BABAM2: variants seen among roughly 807,000 people sequenced by gnomAD.
The protein encoded by BABAM2 is BRISC and BRCA1 A complex member 2, also known as BRISC and BRCA1-A complex member 2.
Under a neutral mutation model 54.7 loss-of-function variants are expected in BABAM2, and 31 were observed. The ratio of observed to expected loss-of-function variants is 0.57; its 90% CI spans 0.43 to 0.77. BABAM2 has a LOEUF of 0.77. BABAM2 is among the 30% of genes least tolerant of loss of function. The pLI, the probability that BABAM2 is intolerant of heterozygous loss-of-function variation, is 0.00. For missense variants in BABAM2, 364 were observed against 455.8 expected, an observed-to-expected ratio of 0.80 and a Z score of 1.83; for synonymous variants, 167 against 162.9, an observed-to-expected ratio of 1.03 and a Z score of -0.19.
At chr2:28,327,272 A>C in intron 11 of BABAM2, 1 of 1,599,900 alleles carries the variant, frequency 6.3e-7, no homozygotes, top group Non-Finnish European at 8.5e-7. Flanking sequence ...CTGCTGCACC[A>C]GGGGATGCCA....
intron 6 of BABAM2, among the ~76,000 whole-genome samples, chr2:28,097,048 A>C (rs958907232): frequency 2.0e-5 from 3 of 152,174 alleles, no homozygotes; most frequent in Admixed American, 2.0e-4. Context: ...TCTGTTAAGT[A>C]GGATGGTCAA....
At chr2:28,023,469 C>T (rs1364954507) in intron 4 of BABAM2, among the ~76,000 whole-genome samples, 1 of 152,226 alleles carries the variant, frequency 6.6e-6, no homozygotes, top group African/African-American at 2.4e-5. Context: ...TTATATCCTA[C>T]TGATACTTTG....
intron 7 of BABAM2, among the ~76,000 whole-genome samples, chr2:28,220,475 A>T (rs529246350): frequency 9.2e-5 from 14 of 152,306 alleles, no homozygotes; most frequent in African/African-American, 3.1e-4. Flanking sequence ...TTGGGAATTA[A>T]AAAAGCTCAA....
intron 6 of BABAM2, among the ~76,000 whole-genome samples, chr2:28,082,030 T>C (rs1665216322): frequency 6.6e-6 from 1 of 152,204 alleles, no homozygotes; most frequent in Admixed American, 6.5e-5. Context: ...TTGTTTTCTT[T>C]GGAGGTAAGG....
intron 8 of BABAM2, 68 bp from the exon 9 acceptor site, chr2:28,241,255 G>T: frequency 6.8e-7 from 1 of 1,461,618 alleles, no homozygotes; most frequent in Non-Finnish European, 9.6e-7. Context: ...CTGAATCTTT[G>T]AAATTTCTTA....
chr2:27,914,291 A>G (rs941855289), intron 2 of BABAM2, among the ~76,000 whole-genome samples: 5 of 152,008 alleles, frequency 3.3e-5, no homozygotes, highest in Admixed American at 3.3e-4. Flanking sequence ...TTGACCTGAA[A>G]CCCTTTGCCT....
intron 7 of BABAM2, among the ~76,000 whole-genome samples, chr2:28,210,650 A>C (rs1356311438): frequency 6.6e-6 from 1 of 152,224 alleles, no homozygotes; most frequent in East Asian, 1.9e-4. Flanking sequence ...AAGCATTATA[A>C]AATGCAGGAG....
chr2:28,119,291 C>A (rs1180194748), intron 6 of BABAM2, among the ~76,000 whole-genome samples: 2 of 152,212 alleles, frequency 1.3e-5, no homozygotes, highest in African/African-American at 4.8e-5. Context: ...ACTCCAGATT[C>A]TTTCTCTAAA....
At chr2:28,080,888 A>G (rs1430834123) in intron 6 of BABAM2, among the ~76,000 whole-genome samples, 1 of 152,170 alleles carries the variant, frequency 6.6e-6, no homozygotes, top group African/African-American at 2.4e-5. Flanking sequence ...TCCTATTCAA[A>G]CAGTGAAGTT....
intron 6 of BABAM2, among the ~76,000 whole-genome samples, chr2:28,099,602 T>C (rs1346931316): frequency 1.3e-5 from 2 of 152,226 alleles, no homozygotes; most frequent in Non-Finnish European, 2.9e-5. Flanking sequence ...GGGTTTTTAT[T>C]TAGTTATTAT....
intron 7 of BABAM2, among the ~76,000 whole-genome samples, chr2:28,130,937 C>T (rs966534479): frequency 1.3e-5 from 2 of 151,976 alleles, no homozygotes; most frequent in Admixed American, 6.6e-5. Context: ...GACAGAGTTT[C>T]ACCATGTTGG....
intron 2 of BABAM2, among the ~76,000 whole-genome samples, chr2:27,924,000 A>G (rs1667506656): frequency 1.3e-5 from 2 of 152,130 alleles, no homozygotes; most frequent in Admixed American, 1.3e-4. Context: ...CAGAAAAGTA[A>G]TTAGAAGAAT....
chr2:28,217,183 C>A lies in BABAM2; in HGVS notation c.681-20019C>A, dbSNP rs532524842. Among the ~76,000 whole-genome samples the A allele has an allele frequency of 1.3e-3, 197 of 152,122 alleles. 2 individuals carry two copies. The highest frequency in any genetic ancestry group is 4.5e-3 in the African/African-American group (187 of 41,492). On this transcript the variant is annotated intron_variant, in intron 7 of 11. Transcript: ENST00000379624. ...ACTTTTCTATGAGAGTAGGATATGG[C>A]AGTGTCTTGTTTACTGTCATATCTG... is the stretch of plus-strand genomic sequence containing the variant.
At chr2:28,078,106 G>A (rs1664848204) in intron 6 of BABAM2, among the ~76,000 whole-genome samples, 2 of 152,078 alleles carry the variant, frequency 1.3e-5, no homozygotes, top group East Asian at 2.0e-4. Flanking sequence ...CATGACATCC[G>A]GCTCTGTCCC....
chr2:28,157,282 T>C (rs981642970), intron 7 of BABAM2, among the ~76,000 whole-genome samples: 1 of 152,176 alleles, frequency 6.6e-6, no homozygotes, highest in African/African-American at 2.4e-5. Flanking sequence ...AAGGTGAGAC[T>C]CCTAGCAACA....
At chr2:28,281,283 G>C (rs870969) in intron 10 of BABAM2, among the ~76,000 whole-genome samples, 26,977 of 152,218 alleles carry the variant, frequency 0.18, 2,521 homozygotes, top group African/African-American at 0.22. Flanking sequence ...TGGCCTCCAC[G>C]TGTAGGACAG....
chr2:28,291,596 A>C (rs890541604), intron 10 of BABAM2, among the ~76,000 whole-genome samples: 21 of 138,350 alleles, frequency 1.5e-4, no homozygotes, highest in African/African-American at 5.6e-4. Context: ...CTCCGTCTCC[A>C]AAAAAAAAAA....
chr2:27,972,034 G>T (rs1671260263), intron 3 of BABAM2, among the ~76,000 whole-genome samples: 1 of 152,072 alleles, frequency 6.6e-6, no homozygotes, highest in African/African-American at 2.4e-5. Context: ...AAAATACAAG[G>T]TTAAAAGTTC....
rs1397038834 is a variant in BABAM2 at position 28,112,187 on chromosome 2, C to CT, written c.571-17083dup. The stretch of plus-strand genomic sequence containing the variant: ...CCTCCCTCCCTCCCTCCCTCCCTCC[C>CT]TCCCTCCCTCCCTTCCTTCCTTCCT... On this transcript the variant is annotated intron_variant, in intron 6 of 11. Coordinates refer to ENST00000379624, the MANE Select transcript of BABAM2 (RefSeq NM_199191.3). Among the ~76,000 whole-genome samples, 659 of 77,098 alleles carry CT rather than the reference C, an allele frequency of 8.5e-3. 69 individuals carry two copies. The highest frequency in any genetic ancestry group is 0.011 in the Middle Eastern group (2 of 188). The allele number at this position is 77,098 out of a possible 152,430, so 50.6% of individuals were successfully genotyped here. A position where few individuals can be genotyped will look rare whatever the true frequency, so the allele number is the denominator to read the frequency against.
Sources: allele counts gnomAD v4.1 joint callset (sites outside exome capture counted in the v4.1 genomes callset), GRCh38; gene constraint gnomAD v4.1.1; transcripts MANE v1.5; gene names NCBI Gene and HGNC (gene_info 2026-07-23, HGNC 2026-07-21).